The following XKR6 variants were observed in gnomAD, a reference collection of about 807,000 sequenced individuals.
XKR6 encodes the protein XK related 6, also known as XK-related protein 6.
Under a neutral mutation model 56.7 loss-of-function variants are expected in XKR6, and 22 were observed. The ratio of observed to expected loss-of-function variants is 0.39; its 90% CI spans 0.28 to 0.55. The LOEUF is 0.55. Among genes scored for constraint, XKR6 ranks in the 20% least tolerant of loss-of-function variants. XKR6 has a pLI of 0.66. For synonymous variants in XKR6, 524 were observed against 387.8 expected, an observed-to-expected ratio of 1.35 and a Z score of -4.13; for missense variants, 852 against 889.0, an observed-to-expected ratio of 0.96 and a Z score of 0.53.
At chr8:11,082,384 G>A (rs1797754457) in intron 1 of XKR6, among the ~76,000 whole-genome samples, 1 of 152,232 alleles carries the variant, frequency 6.6e-6, no homozygotes, top group Non-Finnish European at 1.5e-5. Flanking sequence ...AAGACAGCTG[G>A]TAAACCTCAG....
At chr8:11,083,484 G>A (rs957384203) in intron 1 of XKR6, among the ~76,000 whole-genome samples, 8 of 152,070 alleles carry the variant, frequency 5.3e-5, no homozygotes, top group Admixed American at 1.3e-4. Flanking sequence ...ATGTGGGACC[G>A]GATTCTCTTT....
chr8:11,160,562 G>A (rs1425166809), intron 1 of XKR6, among the ~76,000 whole-genome samples: 1 of 152,164 alleles, frequency 6.6e-6, no homozygotes, highest in Non-Finnish European at 1.5e-5. Flanking sequence ...ATAAAGCGAG[G>A]AAAGGCAGAC....
chr8:11,029,047 C>T (rs1214745019), intron 1 of XKR6, among the ~76,000 whole-genome samples: 1 of 152,166 alleles, frequency 6.6e-6, no homozygotes, highest in Non-Finnish European at 1.5e-5. Context: ...CCTGGTGCCT[C>T]ACCTGTTAGG....
intron 1 of XKR6, among the ~76,000 whole-genome samples, chr8:11,006,813 C>T (rs972547146): frequency 3.9e-5 from 6 of 152,210 alleles, no homozygotes; most frequent in Non-Finnish European, 8.8e-5. Flanking sequence ...GCTGCCGCTG[C>T]AGGTTACCCT....
intron 1 of XKR6, among the ~76,000 whole-genome samples, chr8:11,014,769 C>T (rs1023011474): frequency 3.9e-5 from 6 of 152,100 alleles, no homozygotes; most frequent in Admixed American, 6.5e-5. Flanking sequence ...TTGGGACCTC[C>T]GGGTCCCCAA....
At chr8:11,104,665 A>AATAATACCAGTTAT (rs1798609606) in intron 1 of XKR6, 1 of 152,240 alleles carries the variant, frequency 6.6e-6, no homozygotes, top group African/African-American at 2.4e-5. Flanking sequence ...CAGAAATAAA[A>AATAATACCAGTTAT]ATAATACCAG....
At chr8:11,007,857 T>G (rs1432830242) in intron 1 of XKR6, among the ~76,000 whole-genome samples, 1 of 150,888 alleles carries the variant, frequency 6.6e-6, no homozygotes, top group Non-Finnish European at 1.5e-5. Flanking sequence ...GTAGGAGAGG[T>G]AAAATTCGGG....
intron 1 of XKR6, among the ~76,000 whole-genome samples, chr8:10,938,468 T>G (rs1030758154): frequency 2.0e-5 from 3 of 152,132 alleles, no homozygotes; most frequent in Admixed American, 6.5e-5. Context: ...CTTCCGCAGG[T>G]GAATATATAA....
chr8:11,025,988 A>G (rs1020291905), intron 1 of XKR6, among the ~76,000 whole-genome samples: 1 of 152,220 alleles, frequency 6.6e-6, no homozygotes, highest in Non-Finnish European at 1.5e-5. Flanking sequence ...CAGCTCATGA[A>G]TACATTTTGT....
chr8:10,900,107 G>A (rs1799993998), intron 2 of XKR6, among the ~76,000 whole-genome samples: 1 of 152,046 alleles, frequency 6.6e-6, no homozygotes, highest in African/African-American at 2.4e-5. Context: ...AATGCAACAG[G>A]AGGCCGAATG....
intron 1 of XKR6, among the ~76,000 whole-genome samples, chr8:11,191,406 AACT>A (rs1385147722): frequency 6.6e-6 from 1 of 152,216 alleles, no homozygotes; most frequent in Non-Finnish European, 1.5e-5. Context: ...CCAAGGGAAA[AACT>A]ACCTTTATAT....
At position 11,200,782 on chromosome 8, in the gene XKR6, C is replaced by G. The variant is rs749466710; in HGVS notation, c.558G>C (p.Gln186His). The G allele has an allele frequency of 8.7e-6, 14 of 1,607,962 alleles. No homozygotes were observed. In the South Asian group the frequency reaches 1.5e-4, roughly 18 times the overall value. ...VQSLSFRWFV[Q>H]DYTGGGLGAV... ...CGCCCAGCCCGCCGCCCGTGTAGTC[C>G]TGCACGAACCAGCGGAAGCTCAGGC... The change falls in exon 1 of 3, where the codon CAG becomes CAC. Residue 186 changes from glutamine (Q) to histidine (H), a missense_variant. Around this residue, in one of 4 missense-constraint regions of XKR6, gnomAD observed 417 missense variants for 355.2 expected, o/e 1.17. Coordinates refer to ENST00000416569, the MANE Select transcript of XKR6 (RefSeq NM_173683.4). This position sits in a 1 kb window ranked among gnomAD's most constrained non-coding sequence, Gnocchi z 6.4.
chr8:11,138,584 T>A (rs1236978821), intron 1 of XKR6: 1 of 152,230 alleles, frequency 6.6e-6, no homozygotes, highest in Non-Finnish European at 1.5e-5. Flanking sequence ...GAAGCAAAAC[T>A]GTCTCTTATT....
intron 1 of XKR6, among the ~76,000 whole-genome samples, chr8:11,135,925 C>A (rs982540529): frequency 6.6e-6 from 1 of 151,998 alleles, no homozygotes; most frequent in Non-Finnish European, 1.5e-5. Flanking sequence ...CTTAAAAAGG[C>A]TGATAACATT....
intron 2 of XKR6, among the ~76,000 whole-genome samples, chr8:10,914,033 T>G (rs1449909747): frequency 1.3e-5 from 2 of 152,220 alleles, no homozygotes; most frequent in African/African-American, 4.8e-5. Context: ...TGCCTCGGGA[T>G]GGCCCTTGGG....
chr8:11,095,633 A>G (rs906848502), intron 1 of XKR6, among the ~76,000 whole-genome samples: 1 of 152,216 alleles, frequency 6.6e-6, no homozygotes, highest in Non-Finnish European at 1.5e-5. Context: ...CAATAAATCT[A>G]ATGAGTAACT....
chr8:11,057,027 G>A (rs538335504), intron 1 of XKR6, among the ~76,000 whole-genome samples: 60 of 152,268 alleles, frequency 3.9e-4, no homozygotes, highest in African/African-American at 1.2e-3. Context: ...TCCAATCTGC[G>A]TACAAGGTGC....
At chr8:11,125,415 C>T (rs1799725555) in intron 1 of XKR6, among the ~76,000 whole-genome samples, 1 of 152,172 alleles carries the variant, frequency 6.6e-6, no homozygotes, top group Admixed American at 6.5e-5. Context: ...GAGGACAACA[C>T]ACCAAGATCT....
At chr8:11,148,967 C>T (rs927227361) in intron 1 of XKR6, among the ~76,000 whole-genome samples, 11 of 152,096 alleles carry the variant, frequency 7.2e-5, no homozygotes, top group African/African-American at 2.7e-4. Flanking sequence ...AAATGGCAAA[C>T]TAATGTATGA....
Sources: allele counts gnomAD v4.1 joint callset (sites outside exome capture counted in the v4.1 genomes callset), GRCh38; gene constraint gnomAD v4.1.1; regional missense constraint gnomAD v4.1.1; non-coding constraint Gnocchi (gnomAD v3.1); transcripts MANE v1.5; gene names NCBI Gene and HGNC (gene_info 2026-07-23, HGNC 2026-07-21).